The following PRDM14 variants were observed in gnomAD, a reference collection of about 807,000 sequenced individuals.
PRDM14 encodes the protein PR domain zinc finger protein 14.
In PRDM14, 16 loss-of-function variants were observed where a neutral mutation model predicts 48.0. The ratio of observed to expected loss-of-function variants is 0.33; its 90% CI spans 0.23 to 0.51. The LOEUF is 0.51. Among genes scored for constraint, PRDM14 ranks in the 20% least tolerant of loss-of-function variants. The pLI is 0.97. For synonymous variants in PRDM14, 264 were observed against 276.6 expected (o/e 0.95, Z 0.45); for missense variants, 566 against 719.6 (o/e 0.79, Z 2.44).
At position 70,059,711 on chromosome 8, in the gene PRDM14, G is replaced by A. The variant is rs188518228; in HGVS notation, c.1184-869C>T. 6.1e-3 allele frequency among the ~76,000 whole-genome samples: 931 copies of A among 152,132 alleles called. 6 individuals are homozygous for A. The highest frequency in any genetic ancestry group is 0.024 in the Middle Eastern group (7 of 294). On this transcript the variant is annotated intron_variant, in intron 5 of 7. Transcript: ENST00000276594. ...TAATTTTGTTTTCATTTATATCACC[G>A]CTCGCCATAGTAGATTATTTTAATA... is the stretch of plus-strand genomic sequence containing the variant.
In PRDM14 at chr8:70,057,090, C is replaced by A. The variant is rs562233893; in HGVS notation, c.1386+1550G>T. Among the ~76,000 whole-genome samples the A allele has an allele frequency of 5.3e-5, 8 of 151,720 alleles. No homozygotes were observed. The East Asian group carries it at 1.4e-3, about 26-fold the overall frequency. ...ACGCCATTCTCCTGCCTCAGCCTCC[C>A]GAGTAGGTGGGACTACAGGTGCCCA... On this transcript the variant is annotated intron_variant, in intron 6 of 7. Transcript: ENST00000276594.
chr8:70,056,576 G>A (rs539450074), intron 6 of PRDM14, among the ~76,000 whole-genome samples: 1 of 152,106 alleles, frequency 6.6e-6, no homozygotes, highest in Non-Finnish European at 1.5e-5. Flanking sequence ...CTGCCTCCTG[G>A]GTTTAAGCAA....
rs199793337 is a variant in PRDM14, at chr8:70,054,686, T to G, written c.1488+614A>C. On this transcript the variant is annotated intron_variant, in intron 7 of 7. Transcript: ENST00000276594. ...GGAACGTGCCACCATGCCCAGCTAA[T>G]TTTTGTATTTTTAGTAGAGATGGGG... 6.7e-5 allele frequency among the ~76,000 whole-genome samples: 10 copies of G among 148,698 alleles called. No homozygotes were observed. In the East Asian group the frequency reaches 2.0e-3, roughly 30 times the overall value.
intron 6 of PRDM14, 42 bp downstream of exon 6, chr8:70,058,598 G>A (rs935342473): frequency 6.4e-7 from 1 of 1,568,378 alleles, no homozygotes; most frequent in African/African-American, 1.4e-5. Context: ...TGGGAAGGGA[G>A]AGAGAACGTG....
Position 70,051,770 on chromosome 8 carries a change from TTTTTG to T in PRDM14, c.*302_*306del. 4.0e-6 allele frequency: 1 copy of T among 247,396 alleles called. No homozygotes were observed. The highest frequency in any genetic ancestry group is 2.2e-5 in the African/African-American group (1 of 45,398). The allele number at this position is 247,396 out of a possible 1,614,324, so 15.3% of individuals were successfully genotyped here. A position where few individuals can be genotyped will look rare whatever the true frequency, so the allele number is the denominator to read the frequency against. On this transcript the variant is annotated 3_prime_UTR_variant, in exon 8 of 8. Transcript: ENST00000276594. ...CCACACTCTTGAGGGCTACTCATTT[TTTTTG>T]TTTTGTTTTGTTTTGAGACAGGGTC...
chr8:70,069,011 C>A, intron 2 of PRDM14, 150 bp downstream of exon 2: 1 of 637,214 alleles, frequency 1.6e-6, no homozygotes, highest in South Asian at 2.9e-5. Flanking sequence ...CAGAAGTGAG[C>A]CTAGAACAGC....
intron 5 of PRDM14, among the ~76,000 whole-genome samples, chr8:70,059,325 G>T (rs1255512717): frequency 6.7e-6 from 1 of 150,296 alleles, no homozygotes; most frequent in Non-Finnish European, 1.5e-5. Context: ...AGGCTGGAGT[G>T]CAGGGGTGTG....
At chr8:70,060,063 A>G (rs1418656242) in intron 5 of PRDM14, among the ~76,000 whole-genome samples, 4 of 148,232 alleles carry the variant, frequency 2.7e-5, no homozygotes, top group Non-Finnish European at 4.4e-5. Context: ...ACTGCACTCC[A>G]GCCTGGGCAA....
intron 5 of PRDM14, 40 bp downstream of exon 5, chr8:70,066,195 T>G: frequency 6.3e-7 from 1 of 1,595,674 alleles, no homozygotes; most frequent in Non-Finnish European, 8.5e-7. Flanking sequence ...GTCCTTCTAC[T>G]GGGATGCCCT....
At chr8:70,054,122 G>A (rs1007770502) in intron 7 of PRDM14, among the ~76,000 whole-genome samples, 2 of 152,316 alleles carry the variant, frequency 1.3e-5, no homozygotes, top group South Asian at 2.1e-4. Context: ...TGTCTAAAGC[G>A]TGGTCAACCT....
At chr8:70,056,315 G>A (rs1453802862) in intron 6 of PRDM14, among the ~76,000 whole-genome samples, 1 of 152,042 alleles carries the variant, frequency 6.6e-6, no homozygotes, top group Non-Finnish European at 1.5e-5. Context: ...AGTTTGCCAG[G>A]GATAAAGCAG....
intron 7 of PRDM14, 142 bp downstream of exon 7, chr8:70,055,158 T>C (rs1805452811): frequency 3.9e-6 from 2 of 507,246 alleles, no homozygotes; most frequent in African/African-American, 1.9e-5. Context: ...CTTGAGCATA[T>C]TTAGGGGTGG....
Position 70,069,288 on chromosome 8 carries a change from G to A in PRDM14, c.573C>T (p.Ser191=). The part of the protein sequence containing the change: ...GPKPSNQEGK[S]PARFQFTEED... ...CCTCCGTGAACTGGAACCGAGCAGG[G>A]GACTTCCCTTCTTGGTTGGAGGGTT... The change falls in exon 2 of 8, where the codon TCC becomes TCT. Residue 191 remains serine, a synonymous_variant. Coordinates refer to ENST00000276594, the MANE Select transcript of PRDM14 (RefSeq NM_024504.4). The A allele has an allele frequency of 6.2e-7, 1 of 1,611,850 alleles. No individual in the cohort carries two copies. The highest frequency in any genetic ancestry group is 8.5e-7 in the Non-Finnish European group (1 of 1,178,952).
Position 70,066,466 on chromosome 8 carries a change from T to G in PRDM14, c.952A>C (p.Lys318Gln), listed in dbSNP as rs1318797362. 1 of 1,614,142 alleles carries G rather than the reference T, an allele frequency of 6.2e-7. No individual in the cohort carries two copies. The highest frequency in any genetic ancestry group is 2.2e-5 in the East Asian group (1 of 44,890). Residue 318 changes from lysine to glutamine, a missense_variant, in exon 5 of 8, where the codon AAA becomes CAA. This residue lies in a region of PRDM14 where 410 missense variants were observed against 424.6 expected (regional missense o/e 0.97). Transcript: ENST00000276594. ...GACATCCAGTTCCCCGTACCTCCTT[T>G]TCCATCTATAAAGTGGCTCAAATGA... ...DGHLSHFIDG[K>Q]GGTGNWMSYV...
chr8:70,069,686 C>A lies in PRDM14; in HGVS notation c.175G>T (p.Ala59Ser), dbSNP rs770422998. Residue 59 changes from alanine (A) to serine (S), a missense_variant, in exon 2 of 8, where the codon GCA (alanine) becomes TCA (serine). Physicochemically the swap from Ala to Ser is moderately conservative, Grantham distance 99 (BLOSUM62 1). Coordinates refer to ENST00000276594, the MANE Select transcript of PRDM14 (RefSeq NM_024504.4). ...GGCATGGCGGGGGCAGCAGACGCTG[C>A]GGCCTCCAGCTGCCGGAAAGGTTGG... ...DFQPFRQLEA[A>S]ASAAPAMPPF... is the part of the protein sequence containing the mutation. 2.1e-5 allele frequency: 32 copies of A among 1,553,066 alleles called. No individual in the cohort carries two copies. The highest frequency in any genetic ancestry group is 2.6e-5 in the Non-Finnish European group (30 of 1,149,252).
intron 5 of PRDM14, among the ~76,000 whole-genome samples, chr8:70,059,882 T>C (rs1585650051): frequency 6.8e-6 from 1 of 147,982 alleles, no homozygotes; most frequent in Non-Finnish European, 1.5e-5. Flanking sequence ...TCACCTGAGG[T>C]CAGGGGTTCA....
At chr8:70,062,565 G>C (rs1805604357) in intron 5 of PRDM14, among the ~76,000 whole-genome samples, 1 of 151,694 alleles carries the variant, frequency 6.6e-6, no homozygotes, top group Non-Finnish European at 1.5e-5. Context: ...CCGGTTTCAA[G>C]CGATTATCCG....
intron 7 of PRDM14, 81 bp downstream of exon 7, chr8:70,055,219 G>T (rs964592095): frequency 2.6e-6 from 2 of 757,242 alleles, no homozygotes; most frequent in African/African-American, 1.7e-5. Flanking sequence ...AACTCATTAA[G>T]CCAGGCTTTG....
At position 70,068,283 on chromosome 8, in the gene PRDM14, C is replaced by T; in HGVS notation, c.859G>A (p.Val287Met). The change falls in exon 4 of 8, where the codon GTG becomes ATG. Residue 287 changes from valine to methionine, a missense_variant. Transcript: ENST00000276594. ...GVRFGPFQGK[V>M]VNASEVKTYG... is the part of the protein sequence containing the mutation. ...GTCTTCACTTCACTGGCATTGACCA[C>T]TTTACCTTGAAAGGGCCCAAACCTG... is the stretch of plus-strand genomic sequence containing the variant. 6.2e-7 allele frequency: 1 copy of T among 1,614,218 alleles called. No individual in the cohort carries two copies. The highest frequency in any genetic ancestry group is 8.5e-7 in the Non-Finnish European group (1 of 1,180,044).
Sources: gnomAD v4.1 joint callset for allele counts (sites outside exome capture counted in the v4.1 genomes callset) on GRCh38, gnomAD v4.1.1 for gene constraint, gnomAD v4.1.1 regional missense constraint, MANE v1.5 for transcripts, NCBI Gene and HGNC (gene_info 2026-07-23, HGNC 2026-07-21) for gene names.